Variants in SGCZ observed in about 807,000 individuals in gnomAD.
The protein encoded by SGCZ is zeta-sarcoglycan.
In SGCZ, 40 loss-of-function variants were observed where a neutral mutation model predicts 41.3. That is an observed-to-expected ratio of 0.97 (90% CI 0.75 to 1.26). SGCZ has a LOEUF of 1.26. Among genes scored for constraint, SGCZ ranks in the 50% most tolerant of loss-of-function variants. The pLI is 0.00. For missense variants in SGCZ, 552 were observed against 369.8 expected (o/e 1.49, Z -4.04); for synonymous variants, 206 against 137.5 (o/e 1.50, Z -3.49).
chr8:15,033,202 T>C (rs938705906), intron 1 of SGCZ, among the ~76,000 whole-genome samples: 1 of 151,624 alleles, frequency 6.6e-6, no homozygotes, highest in African/African-American at 2.4e-5. Flanking sequence ...GGCAGGCCCC[T>C]GTGGCCCTAG....
chr8:14,753,527 T>C (rs2130326450), intron 1 of SGCZ, among the ~76,000 whole-genome samples: 1 of 152,344 alleles, frequency 6.6e-6, no homozygotes, highest in South Asian at 2.1e-4. Context: ...ACTTCTGAAG[T>C]GTCTCAAGGC....
At chr8:14,687,162 GAA>G (rs376743258) in intron 1 of SGCZ, among the ~76,000 whole-genome samples, 3,599 of 136,358 alleles carry the variant, frequency 0.026, 108 homozygotes, top group African/African-American at 0.072. Flanking sequence ...TCACTTTAAA[GAA>G]AAAAAAAATA....
intron 2 of SGCZ, among the ~76,000 whole-genome samples, chr8:14,466,950 T>A (rs956681707): frequency 2.6e-5 from 4 of 151,940 alleles, no homozygotes; most frequent in African/African-American, 9.7e-5. Context: ...TCAGATTGTT[T>A]TCAAGAACAG....
chr8:14,515,024 A>T (rs953196171), intron 2 of SGCZ, among the ~76,000 whole-genome samples: 2 of 152,024 alleles, frequency 1.3e-5, no homozygotes, highest in African/African-American at 4.8e-5. Context: ...AGTATATTTT[A>T]TAGGGCCTGC....
At chr8:15,167,082 G>T (rs943392058) in intron 1 of SGCZ, among the ~76,000 whole-genome samples, 1 of 152,114 alleles carries the variant, frequency 6.6e-6, no homozygotes, top group Non-Finnish European at 1.5e-5. Context: ...ATTGAGTAAG[G>T]TATACCCCCG....
At chr8:14,169,895 G>C (rs1254741625) in intron 4 of SGCZ, among the ~76,000 whole-genome samples, 2 of 152,038 alleles carry the variant, frequency 1.3e-5, no homozygotes, top group African/African-American at 4.8e-5. Flanking sequence ...AAGAAAGAAA[G>C]GGCTGAAAGG....
At chr8:14,526,603 A>T (rs933748126) in intron 2 of SGCZ, among the ~76,000 whole-genome samples, 2 of 152,086 alleles carry the variant, frequency 1.3e-5, no homozygotes, top group African/African-American at 2.4e-5. Flanking sequence ...CAAAAAATAC[A>T]TATCTATTTT....
intron 2 of SGCZ, among the ~76,000 whole-genome samples, chr8:14,339,361 G>T (rs1802619178): frequency 6.6e-6 from 1 of 152,130 alleles, no homozygotes; most frequent in African/African-American, 2.4e-5. Context: ...TGCTGAGAAT[G>T]GTTGTTCTCT....
At chr8:14,428,689 G>T (rs927350049) in intron 2 of SGCZ, among the ~76,000 whole-genome samples, 1 of 152,178 alleles carries the variant, frequency 6.6e-6, no homozygotes, top group African/African-American at 2.4e-5. Context: ...CCAACCAACT[G>T]ATTTATTTGG....
intron 1 of SGCZ, among the ~76,000 whole-genome samples, chr8:14,970,247 T>C (rs1801246354): frequency 6.6e-6 from 1 of 152,140 alleles, no homozygotes; most frequent in South Asian, 2.1e-4. Context: ...TTTTATATAC[T>C]CTGACACAAG....
At chr8:14,361,389 T>G (rs553642439) in intron 2 of SGCZ, among the ~76,000 whole-genome samples, 2 of 152,306 alleles carry the variant, frequency 1.3e-5, no homozygotes, top group African/African-American at 4.8e-5. Context: ...TTTTCACTCT[T>G]TTTTCTCTAA....
intron 1 of SGCZ, among the ~76,000 whole-genome samples, chr8:14,686,709 T>C (rs775277651): frequency 5.3e-5 from 8 of 152,000 alleles, no homozygotes; most frequent in Non-Finnish European, 1.0e-4. Flanking sequence ...CTAGACTACA[T>C]CAGGGAAGAA....
At chr8:14,510,022 G>C (rs1189159758) in intron 2 of SGCZ, among the ~76,000 whole-genome samples, 1 of 152,054 alleles carries the variant, frequency 6.6e-6, no homozygotes. Context: ...TGACATTTGG[G>C]TGGGAACACA....
At position 14,088,943 on chromosome 8, in the gene SGCZ, T is replaced by C. The variant is rs1801606634; in HGVS notation, c.*1500A>G. 6.6e-6 allele frequency among the ~76,000 whole-genome samples: 1 copy of C among 151,930 alleles called. No homozygotes were observed. The highest frequency in any genetic ancestry group is 2.4e-5 in the African/African-American group (1 of 41,414). On this transcript the variant is annotated 3_prime_UTR_variant, in exon 8 of 8. Transcript: ENST00000382080. Reference sequence around the variant, plus strand: ...AAGGAAGTTTCAACACAAATGTTGATAGTGTGCATGAGGGAGAAAAACGTT... The same window carrying C: ...AAGGAAGTTTCAACACAAATGTTGACAGTGTGCATGAGGGAGAAAAACGTT...
intron 4 of SGCZ, among the ~76,000 whole-genome samples, chr8:14,232,166 A>G (rs1056855383): frequency 4.0e-5 from 6 of 151,776 alleles, no homozygotes; most frequent in Admixed American, 2.0e-4. Context: ...TTTAATTTCA[A>G]TTTTTAAGTG....
chr8:14,929,426 C>T (rs1186976564), intron 1 of SGCZ, among the ~76,000 whole-genome samples: 1 of 151,912 alleles, frequency 6.6e-6, no homozygotes, highest in Non-Finnish European at 1.5e-5. Context: ...CTGATACTCT[C>T]ACCCAGATAT....
intron 5 of SGCZ, among the ~76,000 whole-genome samples, chr8:14,151,098 G>C (rs1338075961): frequency 6.6e-6 from 1 of 152,030 alleles, no homozygotes; most frequent in Non-Finnish European, 1.5e-5. Flanking sequence ...AAATGAATAA[G>C]ACCTGTTTGA....
chr8:14,943,666 AT>A (rs1269248587), intron 1 of SGCZ, among the ~76,000 whole-genome samples: 1 of 152,094 alleles, frequency 6.6e-6, no homozygotes, highest in Non-Finnish European at 1.5e-5. Flanking sequence ...TGTACAAATT[AT>A]TTCATCACCC....
intron 1 of SGCZ, among the ~76,000 whole-genome samples, chr8:14,785,659 A>C (rs1179165157): frequency 2.6e-5 from 4 of 152,194 alleles, no homozygotes; most frequent in African/African-American, 7.2e-5. Context: ...ATAACTTTAA[A>C]GATTTGAGTT....
Sources: gnomAD v4.1 joint callset for allele counts (sites outside exome capture counted in the v4.1 genomes callset) on GRCh38, gnomAD v4.1.1 for gene constraint, MANE v1.5 for transcripts, NCBI Gene and HGNC (gene_info 2026-07-23, HGNC 2026-07-21) for gene names.